The following CDH12 variants were observed in gnomAD, a reference collection of about 807,000 sequenced individuals.
CDH12 encodes cadherin-12.
A neutral mutation model predicts 74.1 loss-of-function variants in CDH12; 41 were observed. That is an observed-to-expected ratio of 0.55 (90% CI 0.43 to 0.72). CDH12 has a LOEUF of 0.72. Among genes scored for constraint, CDH12 ranks in the 30% least tolerant of loss-of-function variants. The probability of loss-of-function intolerance (pLI) is 0.00; values close to 1 mark genes in which losing one functional copy is unlikely to be tolerated. For synonymous variants in CDH12, 399 were observed against 355.0 expected (o/e 1.12, Z -1.39); for missense variants, 945 against 977.2 (o/e 0.97, Z 0.44).
chr5:22,740,587 T>C (rs539137906), intron 1 of CDH12, among the ~76,000 whole-genome samples: 1 of 152,230 alleles, frequency 6.6e-6, no homozygotes, highest in Non-Finnish European at 1.5e-5. Context: ...ATTGTAAATA[T>C]AAAATAAATT....
chr5:22,321,851 G>A (rs1040353315), intron 3 of CDH12, among the ~76,000 whole-genome samples: 1 of 152,078 alleles, frequency 6.6e-6, no homozygotes, highest in African/African-American at 2.4e-5. Flanking sequence ...TATTGGTTAA[G>A]TCCAGAATAT....
intron 2 of CDH12, among the ~76,000 whole-genome samples, chr5:22,431,235 C>T (rs1002827786): frequency 2.0e-5 from 3 of 152,124 alleles, no homozygotes; most frequent in East Asian, 1.9e-4. Flanking sequence ...CACATATGGT[C>T]GTACTCCCCA....
Position 22,615,167 on chromosome 5 carries a change from T to TA in CDH12, c.-522-109804dup, listed in dbSNP as rs565839831. Among the ~76,000 whole-genome samples the TA allele has an allele frequency of 3.6e-3, 545 of 152,232 alleles. 1 individual carries two copies. Among genetic ancestry groups the TA allele is most frequent in the African/African-American group, 0.01 (422 of 41,556 alleles). ...TATAGAACTTCATTTAGATAAGATG[T>TA]AAAAATGAGACTCTAATCACGTGTA... is the stretch of plus-strand genomic sequence containing the variant. On this transcript the variant is annotated intron_variant, in intron 1 of 14. Transcript: ENST00000382254.
At chr5:22,761,715 T>C (rs73745204) in intron 1 of CDH12, among the ~76,000 whole-genome samples, 12,970 of 152,264 alleles carry the variant, frequency 0.085, 759 homozygotes, top group African/African-American at 0.15. Context: ...GTCAGTTTAA[T>C]TGACACCTTA....
intron 1 of CDH12, among the ~76,000 whole-genome samples, chr5:22,733,288 G>T (rs184611178): frequency 5.3e-5 from 8 of 151,810 alleles, no homozygotes; most frequent in Non-Finnish European, 1.2e-4. Context: ...AAAATAAAAT[G>T]TGGTATGACT....
chr5:22,829,151 C>T (rs1736467772), intron 1 of CDH12, among the ~76,000 whole-genome samples: 2 of 152,068 alleles, frequency 1.3e-5, no homozygotes, highest in Admixed American at 1.3e-4. Flanking sequence ...AAAATGGAGG[C>T]ATACTATAGT....
intron 8 of CDH12, among the ~76,000 whole-genome samples, chr5:21,817,728 T>C (rs1319408416): frequency 6.6e-6 from 1 of 152,028 alleles, no homozygotes; most frequent in Non-Finnish European, 1.5e-5. Flanking sequence ...AGCTTATATT[T>C]AGTGAATTTT....
intron 6 of CDH12, among the ~76,000 whole-genome samples, chr5:21,859,355 C>T (rs183095938): frequency 6.6e-6 from 1 of 151,788 alleles, no homozygotes; most frequent in African/African-American, 2.4e-5. Context: ...GGAAAAAGCC[C>T]CTTATAAGAA....
chr5:22,104,695 G>A (rs1744328569), intron 4 of CDH12, among the ~76,000 whole-genome samples: 1 of 152,144 alleles, frequency 6.6e-6, no homozygotes, highest in Non-Finnish European at 1.5e-5. Context: ...AGAGCCCATA[G>A]TCCTTTATCC....
intron 3 of CDH12, among the ~76,000 whole-genome samples, chr5:22,263,076 T>C (rs11959568): frequency 0.99 from 151,199 of 152,130 alleles, 75,149 homozygotes; most frequent in Middle Eastern, 1. Context: ...AGCCAAAAAA[T>C]ACATGAAAAA....
At chr5:22,769,977 C>T (rs778256328) in intron 1 of CDH12, among the ~76,000 whole-genome samples, 4 of 151,590 alleles carry the variant, frequency 2.6e-5, no homozygotes, top group African/African-American at 9.7e-5. Flanking sequence ...TATGTACACA[C>T]AAACAATGCA....
chr5:21,830,354 AAGG>A lies in CDH12; in HGVS notation c.814+11804_814+11806del, dbSNP rs1183848225. ...AAAGAGAGGAAAATATAAGAGGGAC[AAGG>A]AGAAGGAAAAAATTAAAAATAAACA... is the stretch of plus-strand genomic sequence containing the variant. On this transcript the variant is annotated intron_variant, in intron 8 of 14. Transcript: ENST00000382254. Among the ~76,000 whole-genome samples, 6 of 152,250 alleles carry A rather than the reference AAGG, an allele frequency of 3.9e-5. No individual in the cohort carries two copies. In the East Asian group the frequency reaches 5.8e-4, roughly 15 times the overall value.
chr5:22,629,710 A>T (rs1738480117), intron 1 of CDH12, among the ~76,000 whole-genome samples: 1 of 152,116 alleles, frequency 6.6e-6, no homozygotes, highest in South Asian at 2.1e-4. Flanking sequence ...CAAGACAAGG[A>T]TACCCACCCT....
At chr5:22,211,925 T>C (rs1335994895) in intron 4 of CDH12, among the ~76,000 whole-genome samples, 1 of 152,116 alleles carries the variant, frequency 6.6e-6, no homozygotes, top group Non-Finnish European at 1.5e-5. Context: ...ATATGAATGG[T>C]ACAATAAGTC....
chr5:21,763,092 T>G (rs1055636974), intron 12 of CDH12, among the ~76,000 whole-genome samples: 2 of 152,172 alleles, frequency 1.3e-5, no homozygotes, highest in Non-Finnish European at 2.9e-5. Context: ...GTGATAAATT[T>G]TAAGTGCATT....
intron 2 of CDH12, among the ~76,000 whole-genome samples, chr5:22,442,740 G>C (rs1311205527): frequency 6.6e-6 from 1 of 152,060 alleles, no homozygotes; most frequent in Non-Finnish European, 1.5e-5. Flanking sequence ...TGGAAAAGAA[G>C]CCTGGAGTCT....
At chr5:22,464,612 C>A (rs1262433213) in intron 2 of CDH12, among the ~76,000 whole-genome samples, 1 of 152,156 alleles carries the variant, frequency 6.6e-6, no homozygotes, top group African/African-American at 2.4e-5. Flanking sequence ...CTCAAAGTTC[C>A]CCCATTTCTC....
intron 1 of CDH12, among the ~76,000 whole-genome samples, chr5:22,670,250 C>T (rs543613731): frequency 6.6e-6 from 1 of 152,088 alleles, no homozygotes; most frequent in African/African-American, 2.4e-5. Flanking sequence ...AACTCCTGGC[C>T]TCAAGCATTC....
intron 3 of CDH12, among the ~76,000 whole-genome samples, chr5:22,384,492 C>G (rs1402694736): frequency 6.9e-6 from 1 of 144,760 alleles, no homozygotes; most frequent in Admixed American, 7.0e-5. Context: ...CACCACTGCA[C>G]TCCCGCCTGG....
Sources: allele counts gnomAD v4.1 joint callset (sites outside exome capture counted in the v4.1 genomes callset), GRCh38; gene constraint gnomAD v4.1.1; transcripts MANE v1.5; gene names NCBI Gene and HGNC (gene_info 2026-07-23, HGNC 2026-07-21).